LIMCH1: variants seen among roughly 807,000 people sequenced by gnomAD.
LIMCH1 encodes the protein LIM and calponin homology domains 1.
A neutral mutation model predicts 176.5 loss-of-function variants in LIMCH1; 113 were observed. That is an observed-to-expected ratio of 0.64 (90% CI 0.55 to 0.75). The LOEUF is 0.75. Ranked by LOEUF, LIMCH1 falls within the 30% of genes least tolerant of loss-of-function variation. LIMCH1 has a pLI of 0.00. For synonymous variants in LIMCH1, 619 were observed against 645.9 expected (o/e 0.96, Z 0.63); for missense variants, 1,674 against 1,814.9 (o/e 0.92, Z 1.41).
At chr4:41,623,455 G>A (rs151230201) in intron 7 of LIMCH1, among the ~76,000 whole-genome samples, 3 of 152,166 alleles carry the variant, frequency 2.0e-5, no homozygotes, top group Non-Finnish European at 4.4e-5. Flanking sequence ...TGTTTCCCAA[G>A]TATTCTTAAA....
intron 9 of LIMCH1, 25 bp downstream of exon 9, chr4:41,629,759 T>A: frequency 6.6e-7 from 1 of 1,520,828 alleles, no homozygotes; most frequent in Non-Finnish European, 8.8e-7. Flanking sequence ...CCCCCCAGTT[T>A]CCCCCTGGCA....
chr4:41,625,242 G>C (rs28584797), intron 7 of LIMCH1, among the ~76,000 whole-genome samples: 9,416 of 152,018 alleles, frequency 0.062, 987 homozygotes, highest in African/African-American at 0.22. Context: ...AGTGTATCTG[G>C]AATGTACTAA....
At chr4:41,396,260 C>T (rs981067127) in intron 1 of LIMCH1, among the ~76,000 whole-genome samples, 1 of 152,182 alleles carries the variant, frequency 6.6e-6, no homozygotes, top group Non-Finnish European at 1.5e-5. Context: ...GTTGTTTCAA[C>T]ATGTAAACTT....
intron 1 of LIMCH1, among the ~76,000 whole-genome samples, chr4:41,472,559 A>C (rs893999350): frequency 3.3e-5 from 5 of 152,076 alleles, no homozygotes; most frequent in African/African-American, 4.8e-5. Flanking sequence ...AGCTGGGACT[A>C]TAGGTGCATG....
At chr4:41,600,676 C>A (rs1388323622) in intron 2 of LIMCH1, among the ~76,000 whole-genome samples, 1 of 152,044 alleles carries the variant, frequency 6.6e-6, no homozygotes, top group Non-Finnish European at 1.5e-5. Flanking sequence ...GGTTAAGCTC[C>A]CTTCTTCAGC....
At chr4:41,460,476 A>ATATATATATATG (rs965621988) in intron 1 of LIMCH1, among the ~76,000 whole-genome samples, 11 of 142,672 alleles carry the variant, frequency 7.7e-5, no homozygotes, top group African/African-American at 2.7e-4. Flanking sequence ...ATATATATAT[A>ATATATATATATG]TATCTTATAA....
Position 41,632,852 on chromosome 4 carries a change from A to C in LIMCH1, c.1705A>C (p.Arg569=). 1 of 1,536,076 alleles carries C rather than the reference A, an allele frequency of 6.5e-7. No homozygotes were observed. The highest frequency in any genetic ancestry group is 2.4e-5 in the East Asian group (1 of 40,914). Residue 569 remains arginine, a synonymous_variant, in exon 11 of 32, where the codon AGG becomes CGG. Coordinates refer to ENST00000503057, the MANE Select transcript of LIMCH1 (RefSeq NM_001330672.2). ...EWVCSLGECP[R]GTEEVTSKQL... ...GGTCTGCAGTTTGGGCGAGTGCCCGAGGGGGACAGAGGAAGGTGAGGAGCA... is the reference window on the plus strand; with the variant it reads ...GGTCTGCAGTTTGGGCGAGTGCCCGCGGGGGACAGAGGAAGGTGAGGAGCA...
chr4:41,689,638 A>G lies in LIMCH1; in HGVS notation c.4275+3A>G, dbSNP rs16853488. ...ATTTTCACATCCAGTGTTTCAGGGT[A>G]CGTACTTACTGCTTTGCTCTCCAGA... is the stretch of plus-strand genomic sequence containing the variant. On this transcript the variant is annotated splice_donor_region_variant and intron_variant, in intron 30 of 31. Transcript: ENST00000503057. 14,531 of 1,550,600 alleles carry G rather than the reference A, an allele frequency of 9.4e-3. 717 individuals are homozygous for G. The African/African-American group carries it at 0.13, about 14-fold the overall frequency.
At chr4:41,684,331 A>C (rs1426786774) in intron 26 of LIMCH1, 66 bp from the exon 27 acceptor site, 1 of 1,471,476 alleles carries the variant, frequency 6.8e-7, no homozygotes, top group African/African-American at 1.4e-5. Context: ...TTTAAGTTAT[A>C]GGACCAAGAA....
chr4:41,678,449 G>A (rs1400356590), intron 23 of LIMCH1, among the ~76,000 whole-genome samples: 1 of 152,146 alleles, frequency 6.6e-6, no homozygotes, highest in Non-Finnish European at 1.5e-5. Context: ...GGTCCATTGT[G>A]AGACGTGCAC....
intron 1 of LIMCH1, among the ~76,000 whole-genome samples, chr4:41,557,176 G>A (rs2152538081): frequency 6.6e-6 from 1 of 152,282 alleles, no homozygotes; most frequent in East Asian, 1.9e-4. Context: ...GTGGGCCGTT[G>A]TAAAATGGTT....
intron 1 of LIMCH1, among the ~76,000 whole-genome samples, chr4:41,449,322 T>A (rs1046736540): frequency 1.3e-5 from 2 of 152,198 alleles, no homozygotes; most frequent in African/African-American, 4.8e-5. Flanking sequence ...GCGAACTTGG[T>A]CTAATTCACA....
At chr4:41,466,406 CT>C (rs1554059648) in intron 1 of LIMCH1, among the ~76,000 whole-genome samples, 2 of 152,236 alleles carry the variant, frequency 1.3e-5, no homozygotes, top group Non-Finnish European at 2.9e-5. Flanking sequence ...GACTCTCTGG[CT>C]GGGGCCATAT....
chr4:41,367,080 C>T (rs949615727), intron 1 of LIMCH1, among the ~76,000 whole-genome samples: 2 of 152,100 alleles, frequency 1.3e-5, no homozygotes, highest in African/African-American at 4.8e-5. Context: ...ACTCACTCAC[C>T]ATCATGAGAA....
Position 41,685,790 on chromosome 4 carries a change from A to G in LIMCH1, c.4048A>G (p.Ser1350Gly), listed in dbSNP as rs771835427. ...VKPKTLPLDK[S>G]INHQIESPSE... is the part of the protein sequence containing the mutation. The stretch of plus-strand genomic sequence containing the variant: ...GCCAAAAACCCTCCCGCTGGATAAA[A>G]GCATTAACCATCAGATCGAGTCTCC... Residue 1350 changes from serine to glycine, a missense_variant, in exon 28 of 32, where the codon AGC becomes GGC. By Grantham distance (56) the Ser-to-Gly change is moderately conservative. Transcript: ENST00000503057. 61 of 1,613,486 alleles carry G rather than the reference A, an allele frequency of 3.8e-5. No individual in the cohort carries two copies. The highest frequency in any genetic ancestry group is 5.0e-5 in the Non-Finnish European group (59 of 1,179,650).
intron 14 of LIMCH1, among the ~76,000 whole-genome samples, chr4:41,643,931 A>G (rs2093940239): frequency 6.6e-6 from 1 of 152,208 alleles, no homozygotes. Context: ...AATTCAATAA[A>G]ATAAAATAAG....
At chr4:41,560,596 T>A (rs1268353036) in intron 1 of LIMCH1, among the ~76,000 whole-genome samples, 3 of 152,170 alleles carry the variant, frequency 2.0e-5, no homozygotes, top group Admixed American at 6.5e-5. Context: ...GGTTAAAAAC[T>A]CTTCTGAGGC....
At chr4:41,666,318 G>A (rs968670026) in intron 20 of LIMCH1, among the ~76,000 whole-genome samples, 1 of 152,158 alleles carries the variant, frequency 6.6e-6, no homozygotes, top group African/African-American at 2.4e-5. Flanking sequence ...CTGGTTTGGA[G>A]AAAAGTGGTC....
intron 1 of LIMCH1, among the ~76,000 whole-genome samples, chr4:41,433,274 G>A (rs1448030484): frequency 6.6e-6 from 1 of 152,160 alleles, no homozygotes; most frequent in East Asian, 1.9e-4. Context: ...TTACTGCTGT[G>A]CTGTGTCACT....
Sources: allele counts gnomAD v4.1 joint callset (sites outside exome capture counted in the v4.1 genomes callset), GRCh38; gene constraint gnomAD v4.1.1; transcripts MANE v1.5; gene names NCBI Gene and HGNC (gene_info 2026-07-23, HGNC 2026-07-21).